Variants in DCAF17 observed in about 807,000 individuals in gnomAD.
The protein encoded by DCAF17 is DDB1- and CUL4-associated factor 17.
In DCAF17, 48 loss-of-function variants were observed where a neutral mutation model predicts 66.0. That is an observed-to-expected ratio of 0.73 (90% CI 0.58 to 0.92). The LOEUF (loss-of-function observed/expected upper bound fraction) is 0.92, where lower values mean the gene tolerates loss of function less well. Among genes scored for constraint, DCAF17 ranks in the 40% least tolerant of loss-of-function variants. The pLI, the probability that DCAF17 is intolerant of heterozygous loss-of-function variation, is 0.00. For synonymous variants in DCAF17, 206 were observed against 214.6 expected (o/e 0.96, Z 0.35); for missense variants, 562 against 622.8 (o/e 0.90, Z 1.04).
chr2:171,443,868 C>T (rs928358836), intron 3 of DCAF17, among the ~76,000 whole-genome samples: 6 of 151,554 alleles, frequency 4.0e-5, no homozygotes, highest in East Asian at 1.9e-4. Context: ...AGTTATAAAT[C>T]GATTAAAAGT....
rs148245880 is a variant in DCAF17, at chr2:171,480,768, C to A, written c.1423-206C>A. On this transcript the variant is annotated intron_variant, in intron 13 of 13. Coordinates refer to ENST00000375255, the MANE Select transcript of DCAF17 (RefSeq NM_025000.4). ...TATTTAGACTCCTGGGTCCAGAGTT[C>A]TTTTTATTCTCTATATTTTGTAGAA... Among the ~76,000 whole-genome samples, 910 of 152,204 alleles carry A rather than the reference C, an allele frequency of 6.0e-3. 7 individuals are homozygous for A. Among genetic ancestry groups the A allele is most frequent in the African/African-American group, 0.021 (852 of 41,546 alleles).
chr2:171,434,738 C>T (rs1022289791), intron 1 of DCAF17, 35 bp downstream of exon 1: 7 of 1,394,988 alleles, frequency 5.0e-6, no homozygotes, highest in Non-Finnish European at 6.4e-6. Context: ...GACGGAGGGC[C>T]GCGGGCGCGC....
intron 1 of DCAF17, 60 bp downstream of exon 1, chr2:171,434,763 C>G: frequency 7.2e-7 from 1 of 1,391,760 alleles, no homozygotes; most frequent in Non-Finnish European, 9.2e-7. Flanking sequence ...GCCGAGCCTC[C>G]TGCGGGGATG....
At chr2:171,451,832 C>T (rs561572203) in intron 5 of DCAF17, among the ~76,000 whole-genome samples, 9 of 152,262 alleles carry the variant, frequency 5.9e-5, no homozygotes, top group African/African-American at 1.4e-4. Flanking sequence ...GATTTACAGG[C>T]GTGAACCACC....
In DCAF17 at chr2:171,434,387, G is replaced by C. The variant is rs529221637; in HGVS notation, c.-191G>C. On this transcript the variant is annotated 5_prime_UTR_variant, in exon 1 of 14. Coordinates refer to ENST00000375255, the MANE Select transcript of DCAF17 (RefSeq NM_025000.4). Reference sequence around the variant, plus strand: ...CTTCCCTTCTCTCCGCGCTCTGGCGGTGCAAGCGGCTCTGCTTTCCCTCGC... The same window carrying C: ...CTTCCCTTCTCTCCGCGCTCTGGCGCTGCAAGCGGCTCTGCTTTCCCTCGC... 1 of 959,026 alleles carries C rather than the reference G, an allele frequency of 1.0e-6. No homozygotes were observed. The highest frequency in any genetic ancestry group is 1.6e-5 in the African/African-American group (1 of 61,856). 59.4% of individuals were successfully genotyped at this position (959,026 alleles called of 1,614,324 possible).
intron 8 of DCAF17, among the ~76,000 whole-genome samples, chr2:171,466,915 G>A (rs901215423): frequency 1.3e-5 from 2 of 151,408 alleles, no homozygotes; most frequent in African/African-American, 4.9e-5. Flanking sequence ...CATACAATGT[G>A]TGTATTTCTC....
In DCAF17 at chr2:171,458,403, CATGCAG is replaced by C; in HGVS notation, c.768_773del (p.Cys256_Arg257del). 1 of 1,613,938 alleles carries C rather than the reference CATGCAG, an allele frequency of 6.2e-7. No individual in the cohort carries two copies. Reference sequence around the variant, plus strand: ...CAACAGAAACTTGACTTAGGGTGTGCATGCAGATGGGGTGGGACTACTGGAACTGTA... The same window carrying C: ...CAACAGAAACTTGACTTAGGGTGTGCATGGGGTGGGACTACTGGAACTGTA... On this transcript the variant is annotated inframe_deletion, in exon 8 of 14. Coordinates refer to ENST00000375255, the MANE Select transcript of DCAF17 (RefSeq NM_025000.4).
chr2:171,442,951 CTA>C (rs963463463), intron 2 of DCAF17, among the ~76,000 whole-genome samples: 3 of 151,824 alleles, frequency 2.0e-5, no homozygotes, highest in Non-Finnish European at 2.9e-5. Context: ...TTAAAAGAGA[CTA>C]TTTTTCACAT....
intron 8 of DCAF17, among the ~76,000 whole-genome samples, chr2:171,460,506 T>C (rs2105778847): frequency 6.8e-6 from 1 of 148,100 alleles, no homozygotes; most frequent in South Asian, 2.2e-4. Flanking sequence ...GGTGGTATGA[T>C]AGTGGGCAAA....
At chr2:171,449,298 G>A (rs564264742) in intron 4 of DCAF17, among the ~76,000 whole-genome samples, 4 of 152,192 alleles carry the variant, frequency 2.6e-5, no homozygotes, top group East Asian at 1.9e-4. Context: ...GTGAGCCATC[G>A]TGCCCAGCTG....
At chr2:171,467,727 CAAAAA>C (rs34238683) in intron 8 of DCAF17, among the ~76,000 whole-genome samples, 1 of 68,742 alleles carries the variant, frequency 1.5e-5, no homozygotes, top group Admixed American at 1.5e-4. Flanking sequence ...GAGACTGTCT[CAAAAA>C]AAAAAAAAAA....
At position 171,481,218 on chromosome 2, in the gene DCAF17, A is replaced by C; in HGVS notation, c.*104A>C. The stretch of plus-strand genomic sequence containing the variant: ...CATGGCACATTCTCCAGTATTTTCC[A>C]AAAAAGTCTTGTGTTGACTTCAGAT... On this transcript the variant is annotated 3_prime_UTR_variant, in exon 14 of 14. Transcript: ENST00000375255. The C allele has an allele frequency of 6.7e-7, 1 of 1,483,998 alleles. No individual in the cohort carries two copies. The highest frequency in any genetic ancestry group is 9.4e-7 in the Non-Finnish European group (1 of 1,067,308). 91.9% of individuals were successfully genotyped at this position (1,483,998 alleles called of 1,614,324 possible). A position where few individuals can be genotyped will look rare whatever the true frequency, so the allele number is the denominator to read the frequency against.
rs566095351 is a variant in DCAF17, at chr2:171,434,593, A to C, written c.16A>C (p.Lys6Gln). ...CCGCGCCTCCATGGGCCCGACCCGG[A>C]AGCCCAACGTGTGCAGCCGGCTGAG... MGPTR[K>Q]PNVCSRLSRR... is the part of the protein sequence containing the mutation. The change falls in exon 1 of 14, where the codon AAG becomes CAG. Residue 6 changes from lysine to glutamine, a missense_variant. Lys to Gln is a moderately conservative substitution (Grantham distance 53). Around this residue, in one of 3 missense-constraint regions of DCAF17, gnomAD observed 348 missense variants for 355.9 expected, o/e 0.98. Coordinates refer to ENST00000375255, the MANE Select transcript of DCAF17 (RefSeq NM_025000.4). 231 of 1,527,716 alleles carry C rather than the reference A, an allele frequency of 1.5e-4. No individual in the cohort carries two copies. In the South Asian group the frequency reaches 2.6e-3, roughly 17 times the overall value. 94.6% of individuals were successfully genotyped at this position (1,527,716 alleles called of 1,614,324 possible).
At chr2:171,465,284 T>C (rs557827863) in intron 8 of DCAF17, among the ~76,000 whole-genome samples, 3 of 152,250 alleles carry the variant, frequency 2.0e-5, no homozygotes, top group Non-Finnish European at 2.9e-5. Context: ...CCAGTAAGTA[T>C]ACACATGGAG....
intron 6 of DCAF17, among the ~76,000 whole-genome samples, chr2:171,455,389 C>T (rs933605058): frequency 2.0e-5 from 3 of 152,180 alleles, no homozygotes; most frequent in African/African-American, 7.2e-5. Context: ...ACAACATTTT[C>T]GTTACCCAGT....
intron 6 of DCAF17, 54 bp downstream of exon 6, chr2:171,453,267 T>C (rs1695059289): frequency 7.0e-6 from 9 of 1,281,434 alleles, no homozygotes; most frequent in Non-Finnish European, 9.9e-6. Context: ...TAAGTTGTAA[T>C]GTCATTATTT....
intron 8 of DCAF17, among the ~76,000 whole-genome samples, chr2:171,463,478 C>T (rs1035004192): frequency 6.6e-6 from 1 of 152,040 alleles, no homozygotes; most frequent in Non-Finnish European, 1.5e-5. Context: ...GGAAGAGATA[C>T]AGATCAAAGG....
chr2:171,458,107 T>C (rs755463686), intron 7 of DCAF17, 32 bp downstream of exon 7: 2 of 1,559,458 alleles, frequency 1.3e-6, no homozygotes, highest in Non-Finnish European at 1.8e-6. Context: ...CATGTTACTA[T>C]TAGCATGAGT....
intron 4 of DCAF17, 74 bp downstream of exon 4, chr2:171,448,891 C>CT (rs1216923389): frequency 4.3e-6 from 6 of 1,380,724 alleles, no homozygotes; most frequent in South Asian, 2.4e-5. Context: ...AATTTCAAGC[C>CT]TTTTTTCCCT....
Sources: allele counts gnomAD v4.1 joint callset (sites outside exome capture counted in the v4.1 genomes callset), GRCh38; gene constraint gnomAD v4.1.1; regional missense constraint gnomAD v4.1.1; transcripts MANE v1.5; gene names NCBI Gene and HGNC (gene_info 2026-07-23, HGNC 2026-07-21).